The following TCTN3 variants were observed in gnomAD, a reference collection of about 807,000 sequenced individuals.
TCTN3 encodes tectonic family member 3.
Under a neutral mutation model 71.3 loss-of-function variants are expected in TCTN3, and 57 were observed. The observed-to-expected ratio is 0.80, with a 90% CI of 0.65 to 1.00. The LOEUF is 1.00. TCTN3 is among the 50% of genes least tolerant of loss of function. TCTN3 has a pLI of 0.00. For missense variants in TCTN3, 696 were observed against 719.9 expected (o/e 0.97, Z 0.38); for synonymous variants, 258 against 267.8 (o/e 0.96, Z 0.36).
chr10:95,685,434 A>G, intron 8 of TCTN3, 122 bp downstream of exon 8: 1 of 678,724 alleles, frequency 1.5e-6, no homozygotes, highest in Non-Finnish European at 2.4e-6. Context: ...TGCATTCCCA[A>G]CATTGTTAGA....
Position 95,687,296 on chromosome 10 carries a change from T to C in TCTN3, c.687A>G (p.Gln229=). Residue 229 remains glutamine (Q), a synonymous_variant, in exon 5 of 14, where the codon CAA becomes CAG. Coordinates refer to ENST00000371217, the MANE Select transcript of TCTN3 (RefSeq NM_015631.6). The stretch of plus-strand genomic sequence containing the variant: ...GTCCCCCAGCTCCAACTCCTGCAGG[T>C]TGTCTCAGCAAGCTTATTACAGACC... ...PKWSVISLLR[Q]PAGVGAGGLC... The C allele has an allele frequency of 6.2e-7, 1 of 1,614,194 alleles. No homozygotes were observed. Among genetic ancestry groups the C allele is most frequent in the Non-Finnish European group, 8.5e-7 (1 of 1,180,030 alleles).
Position 95,692,535 on chromosome 10 carries a change from G to A in TCTN3, c.499+385C>T, listed in dbSNP as rs1442160319. ...AAAAACAAAAATGCAAATGTATTCC[G>A]TAATAAGAGAGAAGAGGCAGAAAGA... On this transcript the variant is annotated intron_variant, in intron 3 of 13. Coordinates refer to ENST00000371217, the MANE Select transcript of TCTN3 (RefSeq NM_015631.6). Among the ~76,000 whole-genome samples the A allele has an allele frequency of 2.0e-5, 3 of 150,072 alleles. No individual in the cohort carries two copies. In the East Asian group the frequency reaches 5.9e-4, roughly 29 times the overall value.
Position 95,692,970 on chromosome 10 carries a change from A to C in TCTN3, c.449T>G (p.Val150Gly). Residue 150 changes from valine (V) to glycine (G), a missense_variant, in exon 3 of 14, where the codon GTT (valine) becomes GGT (glycine). Transcript: ENST00000371217. ...CCTGATTCCATTAGAATCCATGAAA[A>C]CTCTTGAAGGAAACGGGGAATTACT... Reference protein sequence around the residue: ...FRSNSPFPSRVFMDSNGIRQF... With the variant: ...FRSNSPFPSRGFMDSNGIRQF... 6.2e-7 allele frequency: 1 copy of C among 1,613,888 alleles called. No homozygotes were observed. The highest frequency in any genetic ancestry group is 1.1e-5 in the South Asian group (1 of 91,056).
At chr10:95,682,438 G>C (rs2097943920) in intron 12 of TCTN3, among the ~76,000 whole-genome samples, 1 of 151,428 alleles carries the variant, frequency 6.6e-6, no homozygotes, top group Non-Finnish European at 1.5e-5. Context: ...AGGTTGCAGT[G>C]AACCGAGATC....
intron 13 of TCTN3, among the ~76,000 whole-genome samples, chr10:95,680,181 A>C (rs1302854954): frequency 6.6e-6 from 1 of 152,214 alleles, no homozygotes; most frequent in African/African-American, 2.4e-5. Context: ...TGGTTGAATC[A>C]ATCAGAATAG....
rs764602804 is a variant in TCTN3 at position 95,683,547 on chromosome 10, G to A, written c.1178C>T (p.Ala393Val). The change falls in exon 10 of 14, where the codon GCT becomes GTT. Residue 393 changes from alanine to valine, a missense_variant. Ala to Val is a moderately conservative substitution (Grantham distance 64). Coordinates refer to ENST00000371217, the MANE Select transcript of TCTN3 (RefSeq NM_015631.6). ...TGAGTAACTTATATCATCAGTCAGAGCCAAGAGTGGCTTCCCAACTATATA... is the reference window on the plus strand; with the variant it reads ...TGAGTAACTTATATCATCAGTCAGAACCAAGAGTGGCTTCCCAACTATATA... ...PGYIVGKPLL[A>V]LTDDISYSMT... 10 of 1,614,066 alleles carry A rather than the reference G, an allele frequency of 6.2e-6. No individual in the cohort carries two copies.
chr10:95,666,131 A>G (rs889179192), intron 13 of TCTN3, among the ~76,000 whole-genome samples: 3 of 151,938 alleles, frequency 2.0e-5, no homozygotes, highest in Admixed American at 1.3e-4. Context: ...TGGTAGAGAC[A>G]GGATTTCACA....
At chr10:95,683,709 T>C in intron 9 of TCTN3, 80 bp from the exon 10 acceptor site, 1 of 1,225,896 alleles carries the variant, frequency 8.2e-7, no homozygotes, top group Non-Finnish European at 1.1e-6. Context: ...CACCGTACCC[T>C]TCCTTAAGGC....
intron 3 of TCTN3, among the ~76,000 whole-genome samples, chr10:95,692,016 T>G (rs907717626): frequency 1.3e-5 from 2 of 152,230 alleles, no homozygotes; most frequent in African/African-American, 4.8e-5. Flanking sequence ...TAGACTCATT[T>G]GTCAAAGATG....
chr10:95,672,050 G>A (rs953176831), intron 13 of TCTN3, among the ~76,000 whole-genome samples: 6 of 151,082 alleles, frequency 4.0e-5, no homozygotes, highest in African/African-American at 7.3e-5. Flanking sequence ...AAGGTCTGGA[G>A]TATGTCCATC....
At chr10:95,683,735 G>A (rs892607297) in intron 9 of TCTN3, 106 bp from the exon 10 acceptor site, 3 of 903,766 alleles carry the variant, frequency 3.3e-6, no homozygotes. Context: ...AATGCAATAA[G>A]TGAGCTACAC....
chr10:95,677,402 C>A (rs979840964), intron 13 of TCTN3, among the ~76,000 whole-genome samples: 1 of 149,212 alleles, frequency 6.7e-6, no homozygotes, highest in South Asian at 2.1e-4. Flanking sequence ...CCACTAGTAT[C>A]GGTCACACAG....
Position 95,686,484 on chromosome 10 carries a change from C to T in TCTN3, c.888+11G>A, listed in dbSNP as rs2097948376. ...TTCTTTTTCTTTTTTCCTGGTACAA[C>T]AGCATCATACCTCCATATTCTGTGG... On this transcript the variant is annotated intron_variant, in intron 7 of 13. Coordinates refer to ENST00000371217, the MANE Select transcript of TCTN3 (RefSeq NM_015631.6). The T allele has an allele frequency of 6.2e-7, 1 of 1,613,584 alleles. No homozygotes were observed. Among genetic ancestry groups the T allele is most frequent in the Non-Finnish European group, 8.5e-7 (1 of 1,179,878 alleles).
At chr10:95,669,401 C>T (rs2097928646) in intron 13 of TCTN3, among the ~76,000 whole-genome samples, 2 of 152,162 alleles carry the variant, frequency 1.3e-5, no homozygotes, top group South Asian at 4.1e-4. Context: ...ACACATGGAT[C>T]CTTGACTCCT....
chr10:95,687,520 G>T, intron 4 of TCTN3, 72 bp downstream of exon 4: 1 of 1,594,284 alleles, frequency 6.3e-7, no homozygotes, highest in South Asian at 1.1e-5. Flanking sequence ...GTGCTGCAAA[G>T]TTACCTTGTC....
At chr10:95,664,739 A>G (rs1319791345) in intron 13 of TCTN3, among the ~76,000 whole-genome samples, 5 of 152,204 alleles carry the variant, frequency 3.3e-5, no homozygotes, top group East Asian at 1.9e-4. Flanking sequence ...CAGGGTTGGA[A>G]GGATCCTTCC....
At position 95,686,495 on chromosome 10, in the gene TCTN3, C is replaced by G. The variant is rs1268399109; in HGVS notation, c.888G>C (p.Glu296Asp). ...PRSMTDPQNM[E>D]FQVPVILTSQ... ...TTTTCCTGGTACAACAGCATCATAC[C>G]TCCATATTCTGTGGATCAGTCATGC... Residue 296 changes from glutamate (E) to aspartate (D), a missense_variant and splice_region_variant, in exon 7 of 14, where the codon GAG (glutamate) becomes GAC (aspartate). Transcript: ENST00000371217. 2 of 1,613,902 alleles carry G rather than the reference C, an allele frequency of 1.2e-6. No individual in the cohort carries two copies. The highest frequency in any genetic ancestry group is 1.7e-6 in the Non-Finnish European group (2 of 1,179,956).
chr10:95,690,051 A>T (rs2097952124), intron 3 of TCTN3, among the ~76,000 whole-genome samples: 1 of 152,194 alleles, frequency 6.6e-6, no homozygotes, highest in Non-Finnish European at 1.5e-5. Flanking sequence ...GCAGTATAGT[A>T]GCATGATCAC....
intron 3 of TCTN3, 112 bp from the exon 4 acceptor site, chr10:95,687,831 T>C (rs2097949939): frequency 7.9e-7 from 1 of 1,270,490 alleles, no homozygotes; most frequent in South Asian, 1.6e-5. Flanking sequence ...AAATCTTAAG[T>C]GTAAACTCAA....
Sources: gnomAD v4.1 joint callset for allele counts (sites outside exome capture counted in the v4.1 genomes callset) on GRCh38, gnomAD v4.1.1 for gene constraint, MANE v1.5 for transcripts, NCBI Gene and HGNC (gene_info 2026-07-23, HGNC 2026-07-21) for gene names.